ADAP2: variants seen among roughly 807,000 people sequenced by gnomAD.
ADAP2 encodes ArfGAP with dual PH domains 2.
Under a neutral mutation model 54.9 loss-of-function variants are expected in ADAP2, and 42 were observed. The observed-to-expected ratio is 0.77, with a 90% CI of 0.60 to 0.99. The LOEUF is 0.99. Among genes scored for constraint, ADAP2 ranks in the 50% least tolerant of loss-of-function variants. The pLI is 0.00. For synonymous variants in ADAP2, 177 were observed against 180.1 expected, an observed-to-expected ratio of 0.98 and a Z score of 0.14; for missense variants, 429 against 480.4, an observed-to-expected ratio of 0.89 and a Z score of 1.00.
intron 5 of ADAP2, among the ~76,000 whole-genome samples, chr17:30,939,971 CT>C (rs1277616203): frequency 2.0e-5 from 3 of 151,914 alleles, no homozygotes; most frequent in Admixed American, 1.3e-4. Flanking sequence ...TTTTTTTATG[CT>C]GTTTTCTGAG....
chr17:30,945,049 G>C lies in ADAP2; in HGVS notation c.653G>C (p.Gly218Ala). Residue 218 changes from glycine (G) to alanine (A), a missense_variant, in exon 6 of 11, where the codon GGG (glycine) becomes GCG (alanine). Transcript: ENST00000330889. Reference sequence around the variant, plus strand: ...AACCTGTTTGTGTATCATGAAAGTGGGAAGGTGAGATGCCTGGAGTTGCCA... The same window carrying C: ...AACCTGTTTGTGTATCATGAAAGTGCGAAGGTGAGATGCCTGGAGTTGCCA... ...TRNLFVYHES[G>A]KEIVDWFNAL... 6.2e-7 allele frequency: 1 copy of C among 1,613,706 alleles called. No homozygotes were observed. The highest frequency in any genetic ancestry group is 8.5e-7 in the Non-Finnish European group (1 of 1,179,902).
chr17:30,957,886 C>A lies in ADAP2; in HGVS notation c.*17C>A. 6.2e-7 allele frequency: 1 copy of A among 1,611,102 alleles called. No homozygotes were observed. Among genetic ancestry groups the A allele is most frequent in the Non-Finnish European group, 8.5e-7 (1 of 1,178,534 alleles). On this transcript the variant is annotated 3_prime_UTR_variant, in exon 11 of 11. Transcript: ENST00000330889. ...AGCAGGTGACCCATTAACTGAGGAA[C>A]TGGCTGCCACTGAACACCTGGAACT...
intron 3 of ADAP2, among the ~76,000 whole-genome samples, chr17:30,927,800 G>A (rs780788792): frequency 2.0e-4 from 30 of 151,522 alleles, no homozygotes; most frequent in Non-Finnish European, 2.8e-4. Context: ...TGGGAGGATC[G>A]CTTGAAGATA....
At chr17:30,932,303 G>A (rs1555566281) in intron 4 of ADAP2, among the ~76,000 whole-genome samples, 1 of 148,532 alleles carries the variant, frequency 6.7e-6, no homozygotes, top group Non-Finnish European at 1.5e-5. Flanking sequence ...CACTATCACA[G>A]CTCACTGCAG....
rs2232278 is a variant in ADAP2, at chr17:30,954,406, T to C, written c.805-72T>C. 1,968 of 1,372,608 alleles carry C rather than the reference T, an allele frequency of 1.4e-3. 24 individuals are homozygous for C. In the African/African-American group the frequency reaches 0.024, roughly 17 times the overall value. 85.0% of individuals were successfully genotyped at this position (1,372,608 alleles called of 1,614,324 possible). On this transcript the variant is annotated intron_variant, in intron 8 of 10. Transcript: ENST00000330889. ...ACTGGCCAGCTCCTTTGGTTTGGGC[T>C]GGGCTGGCCCCTGACCTCTATCCTC...
chr17:30,934,832 G>A (rs914887619), intron 5 of ADAP2, among the ~76,000 whole-genome samples: 14 of 152,120 alleles, frequency 9.2e-5, no homozygotes, highest in African/African-American at 3.4e-4. Flanking sequence ...TCAGAAGTTT[G>A]AGATCAGCCT....
chr17:30,946,939 A>G (rs1285749159), intron 6 of ADAP2, among the ~76,000 whole-genome samples: 1 of 152,106 alleles, frequency 6.6e-6, no homozygotes, highest in Non-Finnish European at 1.5e-5. Flanking sequence ...CATGCCAATC[A>G]CTGCCATAAG....
Position 30,922,942 on chromosome 17 carries a change from C to G in ADAP2, c.97C>G (p.Pro33Ala), listed in dbSNP as rs753100365. ...CTCTCCTGCCTCATCCCCTGCAGAT[C>G]CCGACTGGGCCTCTTACAAGCTGGG... is the stretch of plus-strand genomic sequence containing the variant. The part of the protein sequence containing the change: ...AHCADCGAAD[P>A]DWASYKLGIF... Residue 33 changes from proline (P) to alanine (A), a missense_variant and splice_region_variant, in exon 2 of 11, where the codon CCC becomes GCC. By Grantham distance (27) the Pro-to-Ala change is conservative (BLOSUM62 -1). Transcript: ENST00000330889. 1.9e-6 allele frequency: 3 copies of G among 1,613,602 alleles called. No individual in the cohort carries two copies. Among genetic ancestry groups the G allele is most frequent in the East Asian group, 2.2e-5 (1 of 44,874 alleles).
At chr17:30,933,173 A>ATT (rs1911619476) in intron 4 of ADAP2, among the ~76,000 whole-genome samples, 1 of 152,106 alleles carries the variant, frequency 6.6e-6, no homozygotes, top group Non-Finnish European at 1.5e-5. Flanking sequence ...CCAGGACCAC[A>ATT]AATTATTCTA....
intron 5 of ADAP2, among the ~76,000 whole-genome samples, chr17:30,935,953 A>T (rs7224455): frequency 0.11 from 15,990 of 152,114 alleles, 2,488 homozygotes; most frequent in African/African-American, 0.34. Context: ...TTCACCCATT[A>T]AAAGTATGCA....
chr17:30,956,607 G>T lies in ADAP2; in HGVS notation c.1111+138G>T, dbSNP rs1244738100. On this transcript the variant is annotated intron_variant, in intron 10 of 10. Coordinates refer to ENST00000330889, the MANE Select transcript of ADAP2 (RefSeq NM_018404.3). ...GCTCTTTTCATTGTCTTCTCTTCCT[G>T]CAAAAGAAAAGCACAGACATGCCAT... is the stretch of plus-strand genomic sequence containing the variant. 4.6e-6 allele frequency: 4 copies of T among 867,832 alleles called. No individual in the cohort carries two copies. In the East Asian group the frequency reaches 1.1e-4, roughly 23 times the overall value. 53.8% of individuals were successfully genotyped at this position (867,832 alleles called of 1,614,324 possible). A position where few individuals can be genotyped will look rare whatever the true frequency, so the allele number is the denominator to read the frequency against.
In ADAP2 at chr17:30,932,641, G is replaced by C. The variant is rs369606434; in HGVS notation, c.397+673G>C. Among the ~76,000 whole-genome samples the C allele has an allele frequency of 2.0e-3, 302 of 150,036 alleles. 3 individuals are homozygous for C. The highest frequency in any genetic ancestry group is 7.8e-3 in the South Asian group (37 of 4,750). On this transcript the variant is annotated intron_variant, in intron 4 of 10. Coordinates refer to ENST00000330889, the MANE Select transcript of ADAP2 (RefSeq NM_018404.3). ...TGCCCAGGGTGGAGTGCAGTAGCATGATCTCAGCTCAGTGCAGCCTCTGCC... is the reference window on the plus strand; with the variant it reads ...TGCCCAGGGTGGAGTGCAGTAGCATCATCTCAGCTCAGTGCAGCCTCTGCC...
intron 5 of ADAP2, among the ~76,000 whole-genome samples, chr17:30,940,200 C>T (rs112856085): frequency 0.02 from 3,038 of 152,062 alleles, 108 homozygotes; most frequent in African/African-American, 0.066. Context: ...TGAACTCAAC[C>T]GATCTACCAG....
At chr17:30,948,317 G>A (rs1051375406) in intron 6 of ADAP2, among the ~76,000 whole-genome samples, 2 of 152,070 alleles carry the variant, frequency 1.3e-5, no homozygotes, top group East Asian at 3.9e-4. Context: ...TGTGGCTCAC[G>A]CCTGTAATCC....
intron 5 of ADAP2, among the ~76,000 whole-genome samples, chr17:30,936,553 T>A (rs565651307): frequency 6.6e-6 from 1 of 152,164 alleles, no homozygotes; most frequent in Non-Finnish European, 1.5e-5. Flanking sequence ...TGGCAAATGA[T>A]GTTGAGCATC....
chr17:30,926,198 C>T (rs562679472), intron 2 of ADAP2, among the ~76,000 whole-genome samples: 1 of 152,294 alleles, frequency 6.6e-6, no homozygotes, highest in East Asian at 1.9e-4. Flanking sequence ...GATGCCCAAG[C>T]GATGTGAATT....
In ADAP2 at chr17:30,953,277, C is replaced by G; in HGVS notation, c.742-11C>G. 2 of 1,614,058 alleles carry G rather than the reference C, an allele frequency of 1.2e-6. No homozygotes were observed. Among genetic ancestry groups the G allele is most frequent in the Non-Finnish European group, 1.7e-6 (2 of 1,180,002 alleles). On this transcript the variant is annotated splice_polypyrimidine_tract_variant and intron_variant, in intron 7 of 10. Coordinates refer to ENST00000330889, the MANE Select transcript of ADAP2 (RefSeq NM_018404.3). ...GTGAGTTGGGGGTCAGTGTCTGTCT[C>G]TCTTCCCCAGCTCGTGCCATTCCTC...
At position 30,922,940 on chromosome 17, in the gene ADAP2, A is replaced by G; in HGVS notation, c.95A>G (p.Asp32Gly). 6.2e-7 allele frequency: 1 copy of G among 1,613,614 alleles called. No individual in the cohort carries two copies. The highest frequency in any genetic ancestry group is 8.5e-7 in the Non-Finnish European group (1 of 1,179,884). Residue 32 changes from aspartate to glycine, a missense_variant and splice_region_variant, in exon 2 of 11, where the codon GAT becomes GGT. By Grantham distance (94) the Asp-to-Gly change is moderately conservative. Transcript: ENST00000330889. ...TCCTCTCCTGCCTCATCCCCTGCAGATCCCGACTGGGCCTCTTACAAGCTG... is the reference window on the plus strand; with the variant it reads ...TCCTCTCCTGCCTCATCCCCTGCAGGTCCCGACTGGGCCTCTTACAAGCTG... ...NAHCADCGAA[D>G]PDWASYKLGI...
chr17:30,924,875 G>GT (rs369584931), intron 2 of ADAP2, among the ~76,000 whole-genome samples: 1,793 of 137,876 alleles, frequency 0.013, 30 homozygotes, highest in Admixed American at 0.047. Context: ...TGTTTTTTTT[G>GT]TTTTTTTTTT....
Sources: gnomAD v4.1 joint callset for allele counts (sites outside exome capture counted in the v4.1 genomes callset) on GRCh38, gnomAD v4.1.1 for gene constraint, MANE v1.5 for transcripts, NCBI Gene and HGNC (gene_info 2026-07-23, HGNC 2026-07-21) for gene names.